Variants in MCPH1 observed in about 807,000 individuals in gnomAD.
MCPH1 encodes microcephalin.
In MCPH1, 104 loss-of-function variants were observed where a neutral mutation model predicts 84.5. The ratio of observed to expected loss-of-function variants is 1.23; its 90% CI spans 1.05 to 1.45. MCPH1 has a LOEUF of 1.45. Among genes scored for constraint, MCPH1 ranks in the 40% most tolerant of loss-of-function variants. The probability of loss-of-function intolerance (pLI) is 0.00; values close to 1 mark genes in which losing one functional copy is unlikely to be tolerated. For synonymous variants in MCPH1, 514 were observed against 366.8 expected (o/e 1.40, Z -4.58); for missense variants, 1,498 against 1,005.7 (o/e 1.49, Z -6.62).
chr8:6,407,473 C>T (rs1268586315), intron 1 of MCPH1, among the ~76,000 whole-genome samples: 1 of 152,110 alleles, frequency 6.6e-6, no homozygotes, highest in Non-Finnish European at 1.5e-5. Context: ...TGATACCGCA[C>T]GCAGTCCCAC....
intron 8 of MCPH1, 133 bp from the exon 9 acceptor site, chr8:6,455,010 C>T: frequency 2.8e-6 from 2 of 707,846 alleles, no homozygotes; most frequent in East Asian, 5.1e-5. Flanking sequence ...CTCAAAGAGC[C>T]AGATATATAC....
chr8:6,461,434 C>A (rs935429248), intron 9 of MCPH1, among the ~76,000 whole-genome samples: 13 of 145,544 alleles, frequency 8.9e-5, no homozygotes, highest in Non-Finnish European at 8.9e-5. Flanking sequence ...TCAAGTGATT[C>A]TTGTGTCTCA....
At chr8:6,474,912 A>C (rs1013055296) in intron 9 of MCPH1, among the ~76,000 whole-genome samples, 1 of 152,252 alleles carries the variant, frequency 6.6e-6, no homozygotes, top group Non-Finnish European at 1.5e-5. Flanking sequence ...CAAATATTCA[A>C]CTAGTCTCAT....
At chr8:6,537,968 C>T (rs1366359992) in intron 12 of MCPH1, among the ~76,000 whole-genome samples, 1 of 152,068 alleles carries the variant, frequency 6.6e-6, no homozygotes, top group Non-Finnish European at 1.5e-5. Flanking sequence ...TGGACAAAAA[C>T]TAATTAATCA....
chr8:6,521,594 G>A (rs1158578172), intron 12 of MCPH1, among the ~76,000 whole-genome samples: 2 of 152,178 alleles, frequency 1.3e-5, no homozygotes, highest in South Asian at 2.1e-4. Context: ...ATAAATGTGT[G>A]TATATATGTA....
chr8:6,643,054 G>A lies in MCPH1; in HGVS notation c.*5G>A, dbSNP rs1318069717. ...AACTACCTATTGTCACAATGACAGT[G>A]ACCTCACTGGCCTGTGGTGACTGCA... On this transcript the variant is annotated 3_prime_UTR_variant, in exon 14 of 14. Coordinates refer to ENST00000344683, the MANE Select transcript of MCPH1 (RefSeq NM_024596.5). The A allele has an allele frequency of 5.6e-6, 9 of 1,613,010 alleles. No homozygotes were observed. The highest frequency in any genetic ancestry group is 1.1e-5 in the South Asian group (1 of 91,000).
At chr8:6,440,843 C>G (rs577659464) in intron 6 of MCPH1, among the ~76,000 whole-genome samples, 1 of 152,200 alleles carries the variant, frequency 6.6e-6, no homozygotes, top group South Asian at 2.1e-4. Flanking sequence ...ATAACAAAGA[C>G]AAAAACCAAT....
intron 12 of MCPH1, among the ~76,000 whole-genome samples, chr8:6,527,924 C>A (rs144957066): frequency 0.011 from 961 of 88,878 alleles, 11 homozygotes; most frequent in African/African-American, 0.026. Context: ...GAGATGGAAT[C>A]TCGCTCCATT....
chr8:6,414,303 C>T (rs558429650), intron 2 of MCPH1, among the ~76,000 whole-genome samples: 17 of 152,354 alleles, frequency 1.1e-4, no homozygotes, highest in Admixed American at 9.8e-4. Flanking sequence ...CCACCATGCC[C>T]AGCCATGGAT....
At chr8:6,473,244 A>T (rs1011705166) in intron 9 of MCPH1, among the ~76,000 whole-genome samples, 1 of 151,064 alleles carries the variant, frequency 6.6e-6, no homozygotes, top group African/African-American at 2.4e-5. Flanking sequence ...AACTTAAAAG[A>T]TATCCACTTA....
chr8:6,435,929 CTT>C, intron 4 of MCPH1, 117 bp from the exon 5 acceptor site: 1 of 1,267,314 alleles, frequency 7.9e-7, no homozygotes. Context: ...AGAAACACCT[CTT>C]TTAGAATTTT....
intron 4 of MCPH1, among the ~76,000 whole-genome samples, chr8:6,433,354 C>T (rs1399656012): frequency 1.3e-5 from 2 of 152,104 alleles, no homozygotes; most frequent in Non-Finnish European, 2.9e-5. Flanking sequence ...ATTTCTTGGC[C>T]AGATACAGTG....
intron 8 of MCPH1, among the ~76,000 whole-genome samples, chr8:6,453,920 ACT>A (rs772983924): frequency 6.6e-6 from 1 of 152,110 alleles, no homozygotes; most frequent in African/African-American, 2.4e-5. Context: ...GTGGTTTAGA[ACT>A]GGACCTTAAA....
chr8:6,528,726 A>C (rs527744412), intron 12 of MCPH1, among the ~76,000 whole-genome samples: 2 of 152,340 alleles, frequency 1.3e-5, no homozygotes, highest in South Asian at 4.1e-4. Context: ...ATGTGATATC[A>C]CATGCAAATG....
At chr8:6,572,163 T>G (rs1426607577) in intron 12 of MCPH1, among the ~76,000 whole-genome samples, 3 of 142,888 alleles carry the variant, frequency 2.1e-5, no homozygotes, top group Non-Finnish European at 3.0e-5. Context: ...ACGTACCAAG[T>G]TCTTGACATC....
At chr8:6,427,785 T>C (rs986550642) in intron 3 of MCPH1, among the ~76,000 whole-genome samples, 1 of 94,302 alleles carries the variant, frequency 1.1e-5, no homozygotes, top group Non-Finnish European at 2.1e-5. Flanking sequence ...TCGTAAGTAG[T>C]TATTATACTG....
intron 1 of MCPH1, chr8:6,407,143 C>T (rs1797845863): frequency 1.7e-5 from 4 of 235,934 alleles, no homozygotes; most frequent in South Asian, 1.5e-4. Context: ...CAGAGTCCTG[C>T]CCTCCGGAAG....
chr8:6,477,239 G>A (rs753355171), intron 9 of MCPH1: 39 of 232,446 alleles, frequency 1.7e-4, no homozygotes, highest in Non-Finnish European at 2.5e-4. Context: ...AGTGGCTGAC[G>A]AGTCTACAAA....
rs200029751 is a variant in MCPH1, at chr8:6,529,453, C to CT, written c.2214+29540dup. ...GCCTTCCTTAAGCTCAGCCATTTTT[C>CT]TTTTTTTTTTTTTTTTGAGACAGAG... On this transcript the variant is annotated intron_variant, in intron 12 of 13. Transcript: ENST00000344683. Among the ~76,000 whole-genome samples, 847 of 136,006 alleles carry CT rather than the reference C, an allele frequency of 6.2e-3. 7 individuals carry two copies. Among genetic ancestry groups the CT allele is most frequent in the East Asian group, 0.02 (96 of 4,730 alleles). The allele number at this position is 136,006 out of a possible 152,430, so 89.2% of individuals were successfully genotyped here.
Sources: gnomAD v4.1 joint callset for allele counts (sites outside exome capture counted in the v4.1 genomes callset) on GRCh38, gnomAD v4.1.1 for gene constraint, MANE v1.5 for transcripts, NCBI Gene and HGNC (gene_info 2026-07-23, HGNC 2026-07-21) for gene names.